The following FBRSL1 variants were observed in gnomAD, a reference collection of about 807,000 sequenced individuals.
The protein encoded by FBRSL1 is fibrosin like 1, also known as fibrosin-1-like protein.
FBRSL1 carries 51 observed loss-of-function variants against 89.6 expected under a neutral mutation model. That is an observed-to-expected ratio of 0.57 (90% CI 0.45 to 0.72). The LOEUF is 0.72. FBRSL1 is among the 30% of genes least tolerant of loss of function. The pLI is 0.00. For missense variants in FBRSL1, 1,618 were observed against 1,451.8 expected, an observed-to-expected ratio of 1.11 and a Z score of -1.86; for synonymous variants, 779 against 681.1, an observed-to-expected ratio of 1.14 and a Z score of -2.24.
intron 1 of FBRSL1, among the ~76,000 whole-genome samples, chr12:132,492,133 C>T (rs2031124035): frequency 6.6e-6 from 1 of 152,230 alleles, no homozygotes; most frequent in African/African-American, 2.4e-5. Flanking sequence ...CGCTCGGCTC[C>T]TGCACTGCAG....
chr12:132,584,516 G>A lies in FBRSL1; in HGVS notation c.*738G>A, dbSNP rs1348651600. ...GCGCTGCTGGCTGTAAACATTATCA[G>A]AAGTTTAATGGCAGCAACTTTCCTT... On this transcript the variant is annotated 3_prime_UTR_variant, in exon 19 of 19. Transcript: ENST00000680143. 1 of 152,228 alleles carries A rather than the reference G, an allele frequency of 6.6e-6. No individual in the cohort carries two copies. The highest frequency in any genetic ancestry group is 1.5e-5 in the Non-Finnish European group (1 of 68,050). 9.4% of individuals were successfully genotyped at this position (152,228 alleles called of 1,614,324 possible).
rs1048587096 is a variant in FBRSL1, at chr12:132,525,833, C to A, written c.579+10C>A. 4 of 1,540,914 alleles carry A rather than the reference C, an allele frequency of 2.6e-6. No homozygotes were observed. The African/African-American group carries it at 5.5e-5, about 21-fold the overall frequency. The stretch of plus-strand genomic sequence containing the variant: ...GGACCCGCTCAGCGATGTGAGTACC[C>A]AGCTGCCCGCGCCCGGAGGCTCCGA... On this transcript the variant is annotated intron_variant, in intron 3 of 18. Coordinates refer to ENST00000680143, the MANE Select transcript of FBRSL1 (RefSeq NM_001367871.1).
chr12:132,498,054 C>T (rs946447005), intron 1 of FBRSL1, among the ~76,000 whole-genome samples: 1 of 152,154 alleles, frequency 6.6e-6, no homozygotes, highest in African/African-American at 2.4e-5. Context: ...CCCGTCACAG[C>T]CTGGCTGGCT....
At position 132,581,172 on chromosome 12, in the gene FBRSL1, G is replaced by A. The variant is rs966728415; in HGVS notation, c.1835-267G>A. On this transcript the variant is annotated intron_variant, in intron 15 of 18. Transcript: ENST00000680143. ...CAAGTTGCAGCCCCTTTGCTCCGAG[G>A]GTTGCATCGCACTCAGCACCTCCCT... is the stretch of plus-strand genomic sequence containing the variant. 38 of 983,478 alleles carry A rather than the reference G, an allele frequency of 3.9e-5. No homozygotes were observed. In the African/African-American group the frequency reaches 6.6e-4, roughly 17 times the overall value. 60.9% of individuals were successfully genotyped at this position (983,478 alleles called of 1,614,324 possible). A position where few individuals can be genotyped will look rare whatever the true frequency, so the allele number is the denominator to read the frequency against.
At position 132,526,668 on chromosome 12, in the gene FBRSL1, G is replaced by A. The variant is rs374879440; in HGVS notation, c.579+845G>A. On this transcript the variant is annotated intron_variant, in intron 3 of 18. Transcript: ENST00000680143. ...GTGGGGGTTGTGGATTGATTTGGGAGAGTGGAGGACTGCCGTCAGCTGGCC... is the reference window on the plus strand; with the variant it reads ...GTGGGGGTTGTGGATTGATTTGGGAAAGTGGAGGACTGCCGTCAGCTGGCC... 2.0e-5 allele frequency among the ~76,000 whole-genome samples: 3 copies of A among 152,162 alleles called. No individual in the cohort carries two copies. The East Asian group carries it at 5.8e-4, about 29-fold the overall frequency.
chr12:132,509,342 G>A (rs1310067912), intron 2 of FBRSL1: 2 of 1,247,064 alleles, frequency 1.6e-6, no homozygotes, highest in Non-Finnish European at 1.0e-6. Flanking sequence ...GGCCACTCCT[G>A]GGTCAGCGCA....
chr12:132,574,202 G>A (rs1231178829), intron 12 of FBRSL1, 44 bp downstream of exon 12: 2 of 1,431,250 alleles, frequency 1.4e-6, no homozygotes, highest in Non-Finnish European at 1.8e-6. Context: ...GGGATGGCCT[G>A]CCCCGGCCGG....
Position 132,490,592 on chromosome 12 carries a change from A to G in FBRSL1, c.22A>G (p.Ser8Gly). The G allele has an allele frequency of 1.0e-6, 1 of 982,036 alleles. No individual in the cohort carries two copies. Among genetic ancestry groups the G allele is most frequent in the Non-Finnish European group, 1.2e-6 (1 of 829,388 alleles). The allele number at this position is 982,036 out of a possible 1,614,324, so 60.8% of individuals were successfully genotyped here. A position where few individuals can be genotyped will look rare whatever the true frequency, so the allele number is the denominator to read the frequency against. ...GGCCATGGAGGCCAAGGTCCGCCCGAGCCGGCGCTCGCGCGCGCAGCGGGA... is the reference window on the plus strand; with the variant it reads ...GGCCATGGAGGCCAAGGTCCGCCCGGGCCGGCGCTCGCGCGCGCAGCGGGA... MEAKVRP[S>G]RRSRAQRDRG... is the part of the protein sequence containing the mutation. The change falls in exon 1 of 19, where the codon AGC (serine) becomes GGC (glycine). Residue 8 changes from serine to glycine, a missense_variant. Ser to Gly is a moderately conservative substitution (Grantham distance 56). Transcript: ENST00000680143.
At chr12:132,577,997 G>C (rs1216787692) in intron 15 of FBRSL1, among the ~76,000 whole-genome samples, 1 of 152,240 alleles carries the variant, frequency 6.6e-6, no homozygotes, top group African/African-American at 2.4e-5. Context: ...GAACCACACA[G>C]AGGCTGGGAC....
intron 2 of FBRSL1, among the ~76,000 whole-genome samples, chr12:132,515,010 A>G (rs955558420): frequency 2.6e-5 from 4 of 152,108 alleles, no homozygotes; most frequent in African/African-American, 7.2e-5. Context: ...TCTGCGCCCA[A>G]TAACCACAAG....
chr12:132,572,865 C>T (rs1298021413), intron 11 of FBRSL1, among the ~76,000 whole-genome samples: 3 of 152,196 alleles, frequency 2.0e-5, no homozygotes, highest in Non-Finnish European at 2.9e-5. Flanking sequence ...GTGGTGGGAC[C>T]GTGTGGAGAG....
In FBRSL1 at chr12:132,583,425, C is replaced by G; in HGVS notation, c.2656C>G (p.Arg886Gly). Residue 886 changes from arginine to glycine, a missense_variant, in exon 19 of 19, where the codon CGC becomes GGC. Physicochemically the swap from Arg to Gly is moderately radical, Grantham distance 125 (BLOSUM62 -2). Coordinates refer to ENST00000680143, the MANE Select transcript of FBRSL1 (RefSeq NM_001367871.1). ...CTTGGAGCCCCCGGAGCGCCCCTAC[C>G]GCGACCGCGAGCCCCACGGCTACAG... ...ALLEPPERPY[R>G]DREPHGYSPE... 8 of 1,076,898 alleles carry G rather than the reference C, an allele frequency of 7.4e-6. No individual in the cohort carries two copies. The highest frequency in any genetic ancestry group is 1.7e-5 in the African/African-American group (1 of 57,584). 66.7% of individuals were successfully genotyped at this position (1,076,898 alleles called of 1,614,324 possible).
intron 4 of FBRSL1, among the ~76,000 whole-genome samples, chr12:132,543,211 G>A (rs1286482527): frequency 2.0e-5 from 3 of 152,228 alleles, no homozygotes; most frequent in African/African-American, 7.2e-5. Context: ...AGCCTGCCAC[G>A]CACGTTGCCT....
intron 2 of FBRSL1, among the ~76,000 whole-genome samples, chr12:132,519,101 CAG>C (rs1476929821): frequency 6.6e-6 from 1 of 152,278 alleles, no homozygotes; most frequent in African/African-American, 2.4e-5. Flanking sequence ...TGTGCTGACT[CAG>C]GGAACACTTG....
At chr12:132,548,936 T>G (rs1401311143) in intron 5 of FBRSL1, among the ~76,000 whole-genome samples, 1 of 152,168 alleles carries the variant, frequency 6.6e-6, no homozygotes, top group Non-Finnish European at 1.5e-5. Context: ...CAGGTTTTTA[T>G]GAATGGAACA....
intron 4 of FBRSL1, among the ~76,000 whole-genome samples, chr12:132,531,313 G>A (rs180940185): frequency 5.9e-5 from 9 of 152,274 alleles, no homozygotes; most frequent in African/African-American, 1.9e-4. Flanking sequence ...ACTTCCCTGA[G>A]GCCTCAGACT....
chr12:132,564,513 T>G (rs143606176), intron 5 of FBRSL1, among the ~76,000 whole-genome samples: 57,595 of 144,540 alleles, frequency 0.4, 12,702 homozygotes, highest in East Asian at 0.84. Context: ...TTTTTTTTTT[T>G]GAGACGGAGT....
chr12:132,507,685 TGGTGTCACCTG>T (rs2033847552), intron 1 of FBRSL1, among the ~76,000 whole-genome samples: 1 of 152,102 alleles, frequency 6.6e-6, no homozygotes, highest in Non-Finnish European at 1.5e-5. Flanking sequence ...CTCTGGAATA[TGGTGTCACCTG>T]GGGGAGCACT....
At chr12:132,578,308 G>A (rs1339361777) in intron 15 of FBRSL1, among the ~76,000 whole-genome samples, 1 of 142,160 alleles carries the variant, frequency 7.0e-6, no homozygotes, top group African/African-American at 2.6e-5. Flanking sequence ...TTGCACCACT[G>A]CTCTCCAGCC....
Sources: gnomAD v4.1 joint callset for allele counts (sites outside exome capture counted in the v4.1 genomes callset) on GRCh38, gnomAD v4.1.1 for gene constraint, MANE v1.5 for transcripts, NCBI Gene and HGNC (gene_info 2026-07-23, HGNC 2026-07-21) for gene names.